ADARB1: variants seen among roughly 807,000 people sequenced by gnomAD.
The protein encoded by ADARB1 is double-stranded RNA-specific editase 1.
ADARB1 carries 10 observed loss-of-function variants against 52.4 expected under a neutral mutation model. The ratio of observed to expected loss-of-function variants is 0.19; its 90% CI spans 0.12 to 0.32. ADARB1 has a LOEUF of 0.32. ADARB1 is among the 10% of genes least tolerant of loss of function. The probability of loss-of-function intolerance (pLI) is 1.00; values close to 1 mark genes in which losing one functional copy is unlikely to be tolerated. For missense variants in ADARB1, 643 were observed against 922.3 expected (o/e 0.70, Z 3.92); for synonymous variants, 349 against 371.1 (o/e 0.94, Z 0.68).
In ADARB1 at chr21:45,152,664, G is replaced by T. The variant is rs991288153; in HGVS notation, c.-47-18946G>T. 4 of 451,784 alleles carry T rather than the reference G, an allele frequency of 8.9e-6. No individual in the cohort carries two copies. The Admixed American group carries it at 9.5e-5, about 11-fold the overall frequency. The allele number at this position is 451,784 out of a possible 1,614,324, so 28.0% of individuals were successfully genotyped here. On this transcript the variant is annotated intron_variant, in intron 2 of 10. Coordinates refer to ENST00000348831, the MANE Select transcript of ADARB1 (RefSeq NM_001112.4). Reference sequence around the variant, plus strand: ...ATGGGGACCTTTTTCAGCATCATGGGGCGTCGGTATAAAAGGAGGCGCAAG... The same window carrying T: ...ATGGGGACCTTTTTCAGCATCATGGTGCGTCGGTATAAAAGGAGGCGCAAG...
intron 2 of ADARB1, among the ~76,000 whole-genome samples, chr21:45,161,298 C>G (rs909482886): frequency 9.2e-5 from 14 of 152,212 alleles, no homozygotes; most frequent in African/African-American, 3.4e-4. Flanking sequence ...GCTGTGGACC[C>G]AGGCATCCCT....
intron 9 of ADARB1, among the ~76,000 whole-genome samples, chr21:45,215,115 A>T (rs967446372): frequency 6.6e-6 from 1 of 152,144 alleles, no homozygotes; most frequent in African/African-American, 2.4e-5. Context: ...TAACGTGATC[A>T]TAGCTCATTG....
At chr21:45,126,226 G>A (rs959307992) in intron 1 of ADARB1, among the ~76,000 whole-genome samples, 2 of 152,174 alleles carry the variant, frequency 1.3e-5, no homozygotes, top group African/African-American at 4.8e-5. Flanking sequence ...TTTTCTTTAC[G>A]GCTGGGATAT....
intron 8 of ADARB1, among the ~76,000 whole-genome samples, chr21:45,203,803 G>A (rs2092611572): frequency 6.6e-6 from 1 of 152,174 alleles, no homozygotes; most frequent in Non-Finnish European, 1.5e-5. Flanking sequence ...TTTTTAAGAA[G>A]TATAGTGGTC....
intron 2 of ADARB1, chr21:45,145,042 G>A (rs1794997315): frequency 6.4e-6 from 1 of 156,386 alleles, no homozygotes; most frequent in African/African-American, 2.4e-5. Context: ...TATACAGTGT[G>A]ATAGTCAGGA....
intron 1 of ADARB1, among the ~76,000 whole-genome samples, chr21:45,101,787 C>T (rs533277686): frequency 7.9e-5 from 12 of 152,176 alleles, no homozygotes; most frequent in Non-Finnish European, 7.3e-5. Flanking sequence ...CTGACTATTA[C>T]GTGGGAGATG....
Position 45,182,593 on chromosome 21 carries a change from G to A in ADARB1, c.1087G>A (p.Val363Ile). ...CTTTTTTTTTTTTTCAGGCACAGAT[G>A]TTAAAGATGCCAAGGTGATAAGTGT... ...AGVVMTTGTD[V>I]KDAKVISVST... Residue 363 changes from valine (V) to isoleucine (I), a missense_variant, in exon 6 of 11, where the codon GTT becomes ATT. Physicochemically the swap from Val to Ile is conservative, Grantham distance 29. This residue lies in a region of ADARB1 where 263 missense variants were observed against 475.8 expected (regional missense o/e 0.55). Coordinates refer to ENST00000348831, the MANE Select transcript of ADARB1 (RefSeq NM_001112.4). The A allele has an allele frequency of 4.4e-6, 7 of 1,583,158 alleles. No individual in the cohort carries two copies. Among genetic ancestry groups the A allele is most frequent in the Non-Finnish European group, 6.0e-6 (7 of 1,170,186 alleles).
At chr21:45,137,988 T>C (rs2089487510) in intron 2 of ADARB1, among the ~76,000 whole-genome samples, 2 of 151,982 alleles carry the variant, frequency 1.3e-5, no homozygotes, top group Non-Finnish European at 2.9e-5. Context: ...TCTATGGGAG[T>C]GATGCCCTCA....
intron 4 of ADARB1, chr21:45,177,359 G>C (rs7279483): frequency 0.054 from 8,182 of 152,352 alleles, 299 homozygotes; most frequent in African/African-American, 0.087. Context: ...TTCCCCGCAT[G>C]CCCAGGCTGG....
intron 1 of ADARB1, among the ~76,000 whole-genome samples, chr21:45,117,586 A>AC (rs2087903070): frequency 1.3e-5 from 2 of 151,786 alleles, no homozygotes; most frequent in Admixed American, 1.3e-4. Flanking sequence ...AAAAAAAAAA[A>AC]GCTTCTTTAA....
chr21:45,175,602 C>CATT, intron 3 of ADARB1, 128 bp from the exon 4 acceptor site: 1 of 942,120 alleles, frequency 1.1e-6, no homozygotes, highest in Non-Finnish European at 1.6e-6. Flanking sequence ...ATGTATACAT[C>CATT]AAGGAATAAA....
intron 2 of ADARB1, among the ~76,000 whole-genome samples, chr21:45,138,725 G>A (rs1049742459): frequency 2.6e-5 from 4 of 152,250 alleles, no homozygotes; most frequent in Admixed American, 6.5e-5. Context: ...GCTTCAGGAC[G>A]AGCACTGGAT....
In ADARB1 at chr21:45,116,732, C is replaced by T. The variant is rs568814351; in HGVS notation, c.-219-11670C>T. Among the ~76,000 whole-genome samples the T allele has an allele frequency of 4.9e-4, 74 of 152,322 alleles. 1 individual carries two copies. Among genetic ancestry groups the T allele is most frequent in the African/African-American group, 1.8e-3 (73 of 41,566 alleles). On this transcript the variant is annotated intron_variant, in intron 1 of 10. Coordinates refer to ENST00000348831, the MANE Select transcript of ADARB1 (RefSeq NM_001112.4). The stretch of plus-strand genomic sequence containing the variant: ...GGGGAAAAGCCCCTTACAAAGCCGT[C>T]AGATCCCGTGAGAACTCACTCACTA...
Position 45,176,960 on chromosome 21 carries a change from ACC to A in ADARB1, c.963+303_963+304del, listed in dbSNP as rs3838131. ...TCCATAACTCCCTTCCCGTTAGGCAACCCCCCCCATGACCCTCATCCCACAGC... is the reference window on the plus strand; with the variant it reads ...TCCATAACTCCCTTCCCGTTAGGCAACCCCCCATGACCCTCATCCCACAGC... On this transcript the variant is annotated intron_variant, in intron 4 of 10. Coordinates refer to ENST00000348831, the MANE Select transcript of ADARB1 (RefSeq NM_001112.4). This position sits in a 1 kb window ranked among gnomAD's most constrained non-coding sequence, Gnocchi z 5.8. 2.7e-5 allele frequency: 8 copies of A among 293,206 alleles called. No homozygotes were observed. Among genetic ancestry groups the A allele is most frequent in the East Asian group, 6.6e-5 (1 of 15,144 alleles). 18.2% of individuals were successfully genotyped at this position (293,206 alleles called of 1,614,324 possible).
intron 2 of ADARB1, among the ~76,000 whole-genome samples, chr21:45,155,703 T>C (rs1461774743): frequency 1.3e-5 from 2 of 149,486 alleles, no homozygotes; most frequent in African/African-American, 5.0e-5. Flanking sequence ...CATCTACCCA[T>C]CACCCATCTA....
intron 2 of ADARB1, among the ~76,000 whole-genome samples, chr21:45,146,468 G>A (rs756458726): frequency 6.6e-6 from 1 of 152,256 alleles, no homozygotes; most frequent in Non-Finnish European, 1.5e-5. Flanking sequence ...CTCTCCCGGG[G>A]CTGCGTCCTG....
chr21:45,198,686 G>T (rs2838806), intron 8 of ADARB1, among the ~76,000 whole-genome samples: 77,260 of 151,960 alleles, frequency 0.51, 20,008 homozygotes, highest in South Asian at 0.57. Context: ...AAGTAGGGAA[G>T]AATTCTGCAG....
intron 5 of ADARB1, 42 bp downstream of exon 5, chr21:45,180,486 G>A: frequency 6.7e-7 from 1 of 1,497,748 alleles, no homozygotes; most frequent in Non-Finnish European, 9.3e-7. Flanking sequence ...CTGTTTTCAT[G>A]TCTGACAAAT....
chr21:45,169,618 T>G (rs749860976), intron 2 of ADARB1, among the ~76,000 whole-genome samples: 1 of 152,252 alleles, frequency 6.6e-6, no homozygotes, highest in Non-Finnish European at 1.5e-5. Flanking sequence ...GGATTTTTAG[T>G]TGTATTTAAT....
Sources: gnomAD v4.1 joint callset for allele counts (sites outside exome capture counted in the v4.1 genomes callset) on GRCh38, gnomAD v4.1.1 for gene constraint, gnomAD v4.1.1 regional missense constraint, Gnocchi (gnomAD v3.1) non-coding constraint, MANE v1.5 for transcripts, NCBI Gene and HGNC (gene_info 2026-07-23, HGNC 2026-07-21) for gene names.